TAFA1: variants seen among roughly 807,000 people sequenced by gnomAD.
TAFA1 encodes chemokine-like protein TAFA-1.
A neutral mutation model predicts 18.5 loss-of-function variants in TAFA1; 4 were observed. That is an observed-to-expected ratio of 0.22 (90% CI 0.11 to 0.49). The LOEUF is 0.49. Ranked by LOEUF, TAFA1 falls within the 20% of genes least tolerant of loss-of-function variation. The pLI is 0.98. For synonymous variants in TAFA1, 56 were observed against 55.2 expected (o/e 1.01, Z -0.06); for missense variants, 147 against 169.0 (o/e 0.87, Z 0.72).
chr3:68,459,730 AC>A (rs1200675053), intron 3 of TAFA1, among the ~76,000 whole-genome samples: 1 of 152,194 alleles, frequency 6.6e-6, no homozygotes, highest in Non-Finnish European at 1.5e-5. Context: ...TTCCCTATTT[AC>A]CCATATAAGA....
intron 1 of TAFA1, among the ~76,000 whole-genome samples, chr3:68,005,555 C>T (rs941472410): frequency 6.6e-6 from 1 of 152,086 alleles, no homozygotes; most frequent in Non-Finnish European, 1.5e-5. Context: ...AATAAAGAAG[C>T]CAGGCTGGGA....
At chr3:68,007,319 TTTTTG>T (rs546962173) in intron 2 of TAFA1, among the ~76,000 whole-genome samples, 29 of 152,260 alleles carry the variant, frequency 1.9e-4, no homozygotes, top group Non-Finnish European at 3.8e-4. Context: ...TCCCACCTGA[TTTTTG>T]TTTTGTTTTG....
intron 3 of TAFA1, among the ~76,000 whole-genome samples, chr3:68,450,316 T>A (rs1186484990): frequency 6.6e-6 from 1 of 152,198 alleles, no homozygotes; most frequent in African/African-American, 2.4e-5. Context: ...TGGAATCTGT[T>A]GTGAACATGT....
chr3:68,094,091 C>T (rs1169630188), intron 2 of TAFA1, among the ~76,000 whole-genome samples: 1 of 152,098 alleles, frequency 6.6e-6, no homozygotes, highest in African/African-American at 2.4e-5. Flanking sequence ...TTCTTTCTCT[C>T]AGGTGCTGAA....
chr3:68,168,452 A>T (rs1223712243), intron 2 of TAFA1, among the ~76,000 whole-genome samples: 2 of 152,238 alleles, frequency 1.3e-5, no homozygotes, highest in Non-Finnish European at 2.9e-5. Flanking sequence ...AAGTGTTAAT[A>T]GTTGATAGTG....
At chr3:68,102,082 G>T (rs1575616957) in intron 2 of TAFA1, among the ~76,000 whole-genome samples, 1 of 152,120 alleles carries the variant, frequency 6.6e-6, no homozygotes, top group East Asian at 1.9e-4. Flanking sequence ...AAAGGTGAAG[G>T]TGTTAGAGTA....
At chr3:68,197,786 A>G (rs540084830) in intron 2 of TAFA1, among the ~76,000 whole-genome samples, 1 of 151,868 alleles carries the variant, frequency 6.6e-6, no homozygotes, top group South Asian at 2.1e-4. Context: ...CACTGGTGAG[A>G]AAAAGCATTT....
chr3:68,311,288 C>T (rs1475357592), intron 2 of TAFA1, among the ~76,000 whole-genome samples: 4 of 152,174 alleles, frequency 2.6e-5, no homozygotes, highest in African/African-American at 9.7e-5. Context: ...TATCATTCTG[C>T]CCCTGGCCTC....
chr3:68,004,506 A>G lies in TAFA1; in HGVS notation c.-200A>G, dbSNP rs551277729. On this transcript the variant is annotated 5_prime_UTR_variant, in exon 1 of 5. Coordinates refer to ENST00000478136, the MANE Select transcript of TAFA1 (RefSeq NM_213609.4). ...TTTTCTGACAATACAGTCTGAATGAACCCGATGTCTTTTTTTTTACTGTGG... is the reference window on the plus strand; with the variant it reads ...TTTTCTGACAATACAGTCTGAATGAGCCCGATGTCTTTTTTTTTACTGTGG... 2 of 152,076 alleles carry G rather than the reference A, an allele frequency of 1.3e-5. No individual in the cohort carries two copies. Among genetic ancestry groups the G allele is most frequent in the East Asian group, 3.9e-4 (2 of 5,170 alleles). 9.4% of individuals were successfully genotyped at this position (152,076 alleles called of 1,614,324 possible). A position where few individuals can be genotyped will look rare whatever the true frequency, so the allele number is the denominator to read the frequency against.
intron 2 of TAFA1, among the ~76,000 whole-genome samples, chr3:68,239,841 A>G (rs776308559): frequency 2.0e-5 from 3 of 152,330 alleles, no homozygotes; most frequent in Non-Finnish European, 2.9e-5. Context: ...CCTTGTTGAC[A>G]CATTTATAGA....
rs563056917 is a variant in TAFA1, at chr3:68,272,011, A to G, written c.119-145269A>G. ...ACTATAAATAGATGCTCAGGGGGAAATTCTCTTTCCCCGATCCTATTGACT... is the reference window on the plus strand; with the variant it reads ...ACTATAAATAGATGCTCAGGGGGAAGTTCTCTTTCCCCGATCCTATTGACT... On this transcript the variant is annotated intron_variant, in intron 2 of 4. Coordinates refer to ENST00000478136, the MANE Select transcript of TAFA1 (RefSeq NM_213609.4). 2.5e-4 allele frequency among the ~76,000 whole-genome samples: 38 copies of G among 152,288 alleles called. 1 individual carries two copies. The highest frequency in any genetic ancestry group is 8.7e-4 in the African/African-American group (36 of 41,558).
intron 3 of TAFA1, among the ~76,000 whole-genome samples, chr3:68,499,502 G>A (rs1215868040): frequency 4.0e-5 from 5 of 125,934 alleles, no homozygotes; most frequent in Admixed American, 9.0e-5. Flanking sequence ...CTGAATTCAC[G>A]TTTTAAATGT....
chr3:68,377,161 G>T (rs537031104), intron 2 of TAFA1, among the ~76,000 whole-genome samples: 3 of 152,266 alleles, frequency 2.0e-5, no homozygotes, highest in Admixed American at 2.0e-4. Flanking sequence ...CAGAGAGTTG[G>T]GTGCTGCTAT....
At chr3:68,339,495 T>A (rs2069043534) in intron 2 of TAFA1, among the ~76,000 whole-genome samples, 1 of 152,184 alleles carries the variant, frequency 6.6e-6, no homozygotes, top group African/African-American at 2.4e-5. Context: ...TTGAAGACAT[T>A]ATATTAATAT....
At chr3:68,051,087 T>C (rs1385518195) in intron 2 of TAFA1, among the ~76,000 whole-genome samples, 1 of 142,316 alleles carries the variant, frequency 7.0e-6, no homozygotes, top group Admixed American at 7.4e-5. Flanking sequence ...ACATTTATTA[T>C]TGTTAACCAT....
intron 2 of TAFA1, among the ~76,000 whole-genome samples, chr3:68,378,999 G>T (rs972702940): frequency 2.0e-4 from 30 of 152,042 alleles, no homozygotes; most frequent in African/African-American, 7.2e-4. Context: ...TTTCTTTATA[G>T]TCGTGTGAAA....
At chr3:68,506,292 T>C (rs1458024606) in intron 3 of TAFA1, among the ~76,000 whole-genome samples, 1 of 152,066 alleles carries the variant, frequency 6.6e-6, no homozygotes, top group Non-Finnish European at 1.5e-5. Flanking sequence ...CTATCACTGA[T>C]GGACATTTGG....
chr3:68,287,739 T>C (rs904845371), intron 2 of TAFA1, among the ~76,000 whole-genome samples: 3 of 152,154 alleles, frequency 2.0e-5, no homozygotes, highest in African/African-American at 7.2e-5. Flanking sequence ...TTGCGCACTA[T>C]ATAAACTTCC....
chr3:68,466,949 C>T (rs908197057), intron 3 of TAFA1, among the ~76,000 whole-genome samples: 1 of 152,122 alleles, frequency 6.6e-6, no homozygotes, highest in African/African-American at 2.4e-5. Context: ...TTTTATTAGC[C>T]AATTTTCAAA....
Sources: gnomAD v4.1 joint callset for allele counts (sites outside exome capture counted in the v4.1 genomes callset) on GRCh38, gnomAD v4.1.1 for gene constraint, MANE v1.5 for transcripts, NCBI Gene and HGNC (gene_info 2026-07-23, HGNC 2026-07-21) for gene names.